The following GADL1 variants were observed in gnomAD, a reference collection of about 807,000 sequenced individuals.
The protein encoded by GADL1 is acidic amino acid decarboxylase GADL1.
A neutral mutation model predicts 69.5 loss-of-function variants in GADL1; 71 were observed. The observed-to-expected ratio is 1.02, with a 90% CI of 0.84 to 1.25. The LOEUF is 1.25. Among genes scored for constraint, GADL1 ranks in the 50% most tolerant of loss-of-function variants. The pLI, the probability that GADL1 is intolerant of heterozygous loss-of-function variation, is 0.00. For missense variants in GADL1, 737 were observed against 631.8 expected (o/e 1.17, Z -1.79); for synonymous variants, 254 against 214.4 (o/e 1.18, Z -1.62).
chr3:30,771,805 T>C (rs1282276731), intron 14 of GADL1, among the ~76,000 whole-genome samples: 1 of 152,196 alleles, frequency 6.6e-6, no homozygotes, highest in Non-Finnish European at 1.5e-5. Context: ...TTCAATTAAT[T>C]TGTGAACATG....
chr3:30,819,719 A>T (rs1053249110), intron 11 of GADL1, among the ~76,000 whole-genome samples: 3 of 152,162 alleles, frequency 2.0e-5, no homozygotes, highest in Non-Finnish European at 4.4e-5. Context: ...CCTCATGGAA[A>T]GAAAAGTAAT....
intron 14 of GADL1, among the ~76,000 whole-genome samples, chr3:30,746,890 G>A (rs548860493): frequency 1.3e-5 from 2 of 152,262 alleles, no homozygotes; most frequent in South Asian, 4.2e-4. Context: ...CAGCAATGCA[G>A]GGGAGTGAAA....
chr3:30,766,999 T>C (rs1478809206), intron 14 of GADL1, among the ~76,000 whole-genome samples: 1 of 152,178 alleles, frequency 6.6e-6, no homozygotes, highest in Admixed American at 6.5e-5. Context: ...GGATGAATAA[T>C]AATGAAAGCT....
chr3:30,862,839 T>G (rs1218860209), intron 1 of GADL1, among the ~76,000 whole-genome samples: 1 of 151,964 alleles, frequency 6.6e-6, no homozygotes. Flanking sequence ...TGTTGGCCAA[T>G]TTCTCTATGA....
chr3:30,790,677 G>A (rs1258740013), intron 12 of GADL1, among the ~76,000 whole-genome samples: 3 of 152,090 alleles, frequency 2.0e-5, no homozygotes, highest in Non-Finnish European at 4.4e-5. Context: ...AAGCAAACCA[G>A]TTTTGAAATG....
chr3:30,823,304 C>T (rs1218006628), intron 11 of GADL1, among the ~76,000 whole-genome samples: 1 of 151,842 alleles, frequency 6.6e-6, no homozygotes, highest in African/African-American at 2.4e-5. Flanking sequence ...AGTGTGGAGA[C>T]CTGGAGTATT....
At chr3:30,829,248 A>G (rs191224104) in intron 11 of GADL1, among the ~76,000 whole-genome samples, 5 of 151,842 alleles carry the variant, frequency 3.3e-5, no homozygotes, top group African/African-American at 1.2e-4. Context: ...CTGTGATTCA[A>G]AGAGGATTAG....
At chr3:30,847,206 T>C (rs1013040866) in intron 6 of GADL1, among the ~76,000 whole-genome samples, 1 of 152,196 alleles carries the variant, frequency 6.6e-6, no homozygotes. Context: ...AGAGGCAACC[T>C]TGGATATATT....
chr3:30,792,309 A>G (rs1696941192), intron 12 of GADL1, among the ~76,000 whole-genome samples: 1 of 152,180 alleles, frequency 6.6e-6, no homozygotes, highest in Admixed American at 6.5e-5. Flanking sequence ...ATGGTGGCTT[A>G]TGCCTATAAT....
At chr3:30,826,765 AAGAC>A (rs1328353478) in intron 11 of GADL1, among the ~76,000 whole-genome samples, 1 of 151,300 alleles carries the variant, frequency 6.6e-6, no homozygotes, top group Non-Finnish European at 1.5e-5. Flanking sequence ...TCTCCAATAA[AAGAC>A]AGCATCATTA....
chr3:30,804,124 T>C (rs1697211535), intron 11 of GADL1, among the ~76,000 whole-genome samples: 1 of 152,228 alleles, frequency 6.6e-6, no homozygotes, highest in African/African-American at 2.4e-5. Context: ...GGAGTATTTT[T>C]ATAGGCTTTT....
chr3:30,802,036 C>T (rs1697176076), intron 11 of GADL1, among the ~76,000 whole-genome samples: 1 of 152,180 alleles, frequency 6.6e-6, no homozygotes, highest in Non-Finnish European at 1.5e-5. Flanking sequence ...ATGCAGTCTA[C>T]TTATAAGCTG....
intron 14 of GADL1, among the ~76,000 whole-genome samples, chr3:30,752,862 TAACTA>T (rs1443033618): frequency 6.6e-6 from 1 of 151,836 alleles, no homozygotes; most frequent in African/African-American, 2.4e-5. Context: ...AGTTCTCAAA[TAACTA>T]AAAGTGGCTA....
intron 14 of GADL1, among the ~76,000 whole-genome samples, chr3:30,767,673 G>A (rs528293529): frequency 6.6e-6 from 1 of 152,242 alleles, no homozygotes; most frequent in African/African-American, 2.4e-5. Flanking sequence ...TAAGAAAACA[G>A]TAACTTCAGC....
chr3:30,893,850 A>G (rs875298), intron 1 of GADL1, among the ~76,000 whole-genome samples: 68,279 of 152,086 alleles, frequency 0.45, 19,009 homozygotes, highest in Non-Finnish European at 0.61. Context: ...TTGAGACTTC[A>G]TTAAGCTGTG....
intron 1 of GADL1, among the ~76,000 whole-genome samples, chr3:30,876,280 A>T (rs1336104787): frequency 3.9e-5 from 6 of 152,080 alleles, no homozygotes; most frequent in Admixed American, 3.9e-4. Flanking sequence ...AAATAGGTCT[A>T]TATGATTCTC....
At chr3:30,878,366 G>A (rs1227495985) in intron 1 of GADL1, among the ~76,000 whole-genome samples, 2 of 151,886 alleles carry the variant, frequency 1.3e-5, no homozygotes, top group Non-Finnish European at 2.9e-5. Flanking sequence ...CATGGAAGTA[G>A]CTCAGGGAAG....
intron 14 of GADL1, among the ~76,000 whole-genome samples, chr3:30,774,231 T>G (rs1424095490): frequency 6.6e-6 from 1 of 152,188 alleles, no homozygotes; most frequent in Non-Finnish European, 1.5e-5. Context: ...TGCCCTGCAC[T>G]GTGTAGAGCA....
intron 14 of GADL1, among the ~76,000 whole-genome samples, chr3:30,763,834 A>G (rs12639420): frequency 0.44 from 66,758 of 151,590 alleles, 14,691 homozygotes; most frequent in African/African-American, 0.46. Flanking sequence ...TCAGCTTTTG[A>G]CCAGAAAATT....
Sources: allele counts gnomAD v4.1 joint callset (sites outside exome capture counted in the v4.1 genomes callset), GRCh38; gene constraint gnomAD v4.1.1; transcripts MANE v1.5; gene names NCBI Gene and HGNC (gene_info 2026-07-23, HGNC 2026-07-21).